Variants in MAGI2 observed in about 807,000 individuals in gnomAD.
MAGI2 encodes the protein membrane-associated guanylate kinase, WW and PDZ domain-containing protein 2.
A neutral mutation model predicts 133.3 loss-of-function variants in MAGI2; 35 were observed. The ratio of observed to expected loss-of-function variants is 0.26; its 90% CI spans 0.20 to 0.35. The LOEUF (loss-of-function observed/expected upper bound fraction) is 0.35. Ranked by LOEUF, MAGI2 falls within the 10% of genes least tolerant of loss-of-function variation. MAGI2 has a pLI of 1.00. For synonymous variants in MAGI2, 729 were observed against 710.6 expected (o/e 1.03, Z -0.41); for missense variants, 1,636 against 1,863.4 (o/e 0.88, Z 2.25).
intron 1 of MAGI2, among the ~76,000 whole-genome samples, chr7:79,234,873 C>A (rs879957004): frequency 2.0e-5 from 3 of 151,676 alleles, no homozygotes; most frequent in East Asian, 3.9e-4. Flanking sequence ...AGGCGCTCTG[C>A]GTTTTAGAGT....
chr7:78,836,814 C>G (rs17389497), intron 2 of MAGI2, among the ~76,000 whole-genome samples: 50,078 of 151,976 alleles, frequency 0.33, 8,900 homozygotes, highest in East Asian at 0.71. Flanking sequence ...GGTGCTGAAC[C>G]CTGTATGCCG....
intron 9 of MAGI2, among the ~76,000 whole-genome samples, chr7:78,303,556 C>A (rs557232043): frequency 3.3e-5 from 5 of 152,116 alleles, no homozygotes; most frequent in Admixed American, 1.3e-4. Context: ...CTTTAACAAC[C>A]TTTTTCTCCA....
chr7:78,512,136 TAAAA>T (rs539565869), intron 4 of MAGI2, among the ~76,000 whole-genome samples: 2 of 127,146 alleles, frequency 1.6e-5, no homozygotes, highest in Admixed American at 1.6e-4. Context: ...AAAAATAAAT[TAAAA>T]AAAAAAAAAA....
At chr7:79,378,924 GTGTATATATATATATATATATA>G (rs1291837393) in intron 1 of MAGI2, among the ~76,000 whole-genome samples, 1,123 of 48,232 alleles carry the variant, frequency 0.023, 38 homozygotes, top group Middle Eastern at 0.17. Flanking sequence ...ATATGTGTGT[GTGTATATATATATATATATATA>G]TATATATATA....
intron 3 of MAGI2, among the ~76,000 whole-genome samples, chr7:78,529,384 A>T: frequency 6.6e-6 from 1 of 152,204 alleles, no homozygotes; most frequent in East Asian, 1.9e-4. Flanking sequence ...AGTAGCTCAG[A>T]ACATTTCCCA....
chr7:78,419,328 C>T (rs1456906414), intron 6 of MAGI2, among the ~76,000 whole-genome samples: 1 of 152,020 alleles, frequency 6.6e-6, no homozygotes, highest in African/African-American at 2.4e-5. Context: ...GGCAAGCCTG[C>T]GTTTTATAAC....
At chr7:78,523,680 C>T (rs550475374) in intron 3 of MAGI2, among the ~76,000 whole-genome samples, 10 of 151,994 alleles carry the variant, frequency 6.6e-5, no homozygotes, top group Non-Finnish European at 1.0e-4. Flanking sequence ...GGAGGAACTA[C>T]CAAATACTTA....
At chr7:78,150,742 A>G (rs1418977204) in intron 16 of MAGI2, among the ~76,000 whole-genome samples, 3 of 152,208 alleles carry the variant, frequency 2.0e-5, no homozygotes, top group African/African-American at 7.2e-5. Context: ...GAACACAATA[A>G]TAAGAACTCT....
intron 2 of MAGI2, among the ~76,000 whole-genome samples, chr7:78,866,303 G>A (rs1038381037): frequency 6.6e-6 from 1 of 152,090 alleles, no homozygotes; most frequent in Non-Finnish European, 1.5e-5. Context: ...TCCAGATATG[G>A]GGAGGGCCAT....
At chr7:79,186,218 A>T (rs1262305407) in intron 1 of MAGI2, among the ~76,000 whole-genome samples, 11 of 26,484 alleles carry the variant, frequency 4.2e-4, no homozygotes, top group Non-Finnish European at 2.1e-3. Flanking sequence ...ATATATATAT[A>T]TATATATATA....
intron 2 of MAGI2, among the ~76,000 whole-genome samples, chr7:78,822,230 A>G (rs1790187197): frequency 6.6e-6 from 1 of 152,090 alleles, no homozygotes; most frequent in Non-Finnish European, 1.5e-5. Flanking sequence ...GTCTCAGTGA[A>G]ATGAAGATTC....
At chr7:78,094,453 C>A (rs578130606) in intron 20 of MAGI2, among the ~76,000 whole-genome samples, 94 of 152,266 alleles carry the variant, frequency 6.2e-4, no homozygotes, top group African/African-American at 2.1e-3. Flanking sequence ...TGTCCCTGTA[C>A]AATCTTGCAT....
intron 1 of MAGI2, among the ~76,000 whole-genome samples, chr7:79,431,268 A>T (rs1006783988): frequency 6.6e-6 from 1 of 152,224 alleles, no homozygotes; most frequent in Non-Finnish European, 1.5e-5. Context: ...ATCTACCTGG[A>T]TGCCATTGAG....
chr7:78,191,700 G>T (rs954649743), intron 12 of MAGI2, among the ~76,000 whole-genome samples: 2 of 152,144 alleles, frequency 1.3e-5, no homozygotes, highest in Admixed American at 6.6e-5. Flanking sequence ...TCCATTCCCA[G>T]CTCATCTTGA....
At chr7:79,378,734 TTAAG>T (rs1843546216) in intron 1 of MAGI2, among the ~76,000 whole-genome samples, 1 of 151,094 alleles carries the variant, frequency 6.6e-6, no homozygotes, top group African/African-American at 2.4e-5. Context: ...TATACATTTA[TTAAG>T]TATCTTTATT....
intron 1 of MAGI2, among the ~76,000 whole-genome samples, chr7:79,089,773 C>A (rs547310769): frequency 6.6e-6 from 1 of 152,030 alleles, no homozygotes; most frequent in East Asian, 1.9e-4. Context: ...TGTTCTCATA[C>A]ATAAGTGGGA....
chr7:78,073,057 T>C (rs780281314), intron 21 of MAGI2: 1 of 397,842 alleles, frequency 2.5e-6, no homozygotes, highest in East Asian at 3.6e-5. Flanking sequence ...AATATAATTG[T>C]TGTAAGTCAT....
chr7:78,173,349 T>G (rs113131481), intron 14 of MAGI2, among the ~76,000 whole-genome samples: 3 of 152,222 alleles, frequency 2.0e-5, no homozygotes, highest in African/African-American at 7.2e-5. Flanking sequence ...AAGGCCACTC[T>G]CCTCTTGAGC....
intron 1 of MAGI2, among the ~76,000 whole-genome samples, chr7:79,294,305 C>T (rs933003621): frequency 6.6e-6 from 1 of 151,894 alleles, no homozygotes; most frequent in East Asian, 1.9e-4. Context: ...AAAGATTAGG[C>T]TTGCGGACAC....
Sources: gnomAD v4.1 joint callset for allele counts (sites outside exome capture counted in the v4.1 genomes callset) on GRCh38, gnomAD v4.1.1 for gene constraint, MANE v1.5 for transcripts, NCBI Gene and HGNC (gene_info 2026-07-23, HGNC 2026-07-21) for gene names.